Variants in TTC21B observed in about 807,000 individuals in gnomAD.
TTC21B encodes tetratricopeptide repeat protein 21B.
Under a neutral mutation model 175.1 loss-of-function variants are expected in TTC21B, and 127 were observed. The ratio of observed to expected loss-of-function variants is 0.73; its 90% CI spans 0.63 to 0.84. The LOEUF (loss-of-function observed/expected upper bound fraction) is 0.84, where lower values mean the gene tolerates loss of function less well. Among genes scored for constraint, TTC21B ranks in the 40% least tolerant of loss-of-function variants. The probability of loss-of-function intolerance (pLI) is 0.00; values close to 1 mark genes in which losing one functional copy is unlikely to be tolerated. For missense variants in TTC21B, 1,561 were observed against 1,558.3 expected (o/e 1.00, Z -0.03); for synonymous variants, 524 against 524.5 (o/e 1.00, Z 0.01).
rs1483395004 is a variant in TTC21B at position 165,924,635 on chromosome 2, C to G, written c.1430G>C (p.Cys477Ser). The G allele has an allele frequency of 6.2e-7, 1 of 1,613,608 alleles. No homozygotes were observed. The highest frequency in any genetic ancestry group is 1.3e-5 in the African/African-American group (1 of 74,892). Residue 477 changes from cysteine (C) to serine (S), a missense_variant, in exon 12 of 29, where the codon TGC (cysteine) becomes TCC (serine). By Grantham distance (112) the Cys-to-Ser change is moderately radical. Transcript: ENST00000243344. Reference sequence around the variant, plus strand: ...TACTACAGTCTCCAGGACTGAGATGCAACGCCTGAGAAGTGGACAAAGAGG... The same window carrying G: ...TACTACAGTCTCCAGGACTGAGATGGAACGCCTGAGAAGTGGACAAAGAGG... ...GQPLCPLLRRCISVLETVVRT... is the reference protein window; with the variant it reads ...GQPLCPLLRRSISVLETVVRT...
intron 12 of TTC21B, among the ~76,000 whole-genome samples, chr2:165,920,438 A>C (rs1440828237): frequency 1.3e-5 from 2 of 152,348 alleles, no homozygotes; most frequent in South Asian, 4.1e-4. Flanking sequence ...ATCAAAGTTT[A>C]GCAATCAACC....
At chr2:165,912,774 A>G (rs1035124090) in intron 16 of TTC21B, 150 bp from the exon 17 acceptor site, 1 of 698,422 alleles carries the variant, frequency 1.4e-6, no homozygotes, top group Admixed American at 2.3e-5. Context: ...CAATTTCAAA[A>G]AGGTGATAAA....
In TTC21B at chr2:165,912,519, A is replaced by G; in HGVS notation, c.2317T>C (p.Ser773Pro). The change falls in exon 17 of 29, where the codon TCA (serine) becomes CCA (proline). Residue 773 changes from serine (S) to proline (P), a missense_variant. Transcript: ENST00000243344. ...GKALIKTHNY[S>P]MAITYYEAAL... ...TCAAACAATAAAGTACTTACCATTG[A>G]GTAGTTATGAGTTTTGATAAGTGCT... 2 of 1,610,746 alleles carry G rather than the reference A, an allele frequency of 1.2e-6. No individual in the cohort carries two copies. The highest frequency in any genetic ancestry group is 1.7e-6 in the Non-Finnish European group (2 of 1,176,972).
chr2:165,914,883 A>G (rs952772928), intron 15 of TTC21B, among the ~76,000 whole-genome samples: 3 of 152,144 alleles, frequency 2.0e-5, no homozygotes, highest in African/African-American at 7.2e-5. Flanking sequence ...GTTATATTAC[A>G]TGATGCTCTT....
chr2:165,936,375 A>G (rs1306660361), intron 6 of TTC21B, among the ~76,000 whole-genome samples: 1 of 152,138 alleles, frequency 6.6e-6, no homozygotes, highest in African/African-American at 2.4e-5. Flanking sequence ...ATAATACAGG[A>G]GAAAATCTGA....
chr2:165,921,143 G>C (rs1443623122), intron 12 of TTC21B, among the ~76,000 whole-genome samples: 1 of 152,144 alleles, frequency 6.6e-6, no homozygotes, highest in Non-Finnish European at 1.5e-5. Flanking sequence ...GACTTGGAAT[G>C]GGGGCTAGCT....
At chr2:165,945,427 G>T in intron 4 of TTC21B, 97 bp downstream of exon 4, 1 of 1,179,946 alleles carries the variant, frequency 8.5e-7, no homozygotes, top group Non-Finnish European at 1.2e-6. Context: ...GCAATAGAGT[G>T]AACAATAATA....
chr2:165,886,805 G>A (rs1371912849), intron 25 of TTC21B, among the ~76,000 whole-genome samples: 1 of 152,176 alleles, frequency 6.6e-6, no homozygotes, highest in Non-Finnish European at 1.5e-5. Flanking sequence ...ACAGCATTCA[G>A]TAGCTATGGC....
At chr2:165,910,327 C>T (rs905842754) in intron 18 of TTC21B, among the ~76,000 whole-genome samples, 3 of 151,760 alleles carry the variant, frequency 2.0e-5, no homozygotes, top group South Asian at 2.1e-4. Flanking sequence ...GGTGTGAGCC[C>T]GGGCAGCAGA....
chr2:165,919,841 G>T (rs573164417), intron 12 of TTC21B, among the ~76,000 whole-genome samples: 57 of 152,058 alleles, frequency 3.7e-4, no homozygotes, highest in African/African-American at 1.3e-3. Context: ...TAACAAAGAG[G>T]ATATCAGTCT....
intron 18 of TTC21B, among the ~76,000 whole-genome samples, chr2:165,908,916 A>G (rs865956507): frequency 6.6e-6 from 1 of 152,164 alleles, no homozygotes; most frequent in Non-Finnish European, 1.5e-5. Flanking sequence ...CTAACACTTC[A>G]TACAATAAAT....
At chr2:165,949,344 A>G (rs1215283993) in intron 3 of TTC21B, 50 bp downstream of exon 3, 1 of 1,376,316 alleles carries the variant, frequency 7.3e-7, no homozygotes, top group Admixed American at 1.7e-5. Context: ...AAAAATAAAA[A>G]TAAACTGAAT....
rs546398335 is a variant in TTC21B, at chr2:165,929,737, T to C, written c.1098A>G (p.Gln366=). The C allele has an allele frequency of 2.0e-5, 32 of 1,610,778 alleles. No individual in the cohort carries two copies. The South Asian group carries it at 3.0e-4, about 15-fold the overall frequency. The change falls in exon 10 of 29, where the codon CAA becomes CAG. Residue 366 remains glutamine, a synonymous_variant. Transcript: ENST00000243344. The stretch of plus-strand genomic sequence containing the variant: ...GTAATTGCCCTTCTATCAACTGACA[T>C]TGGATAAATCCTAAAATCAAACAGC... The part of the protein sequence containing the change: ...TSVSALVGFI[Q]CQLIEGQLQD...
At chr2:165,889,045 A>T (rs1263984434) in intron 24 of TTC21B, among the ~76,000 whole-genome samples, 1 of 152,204 alleles carries the variant, frequency 6.6e-6, no homozygotes, top group East Asian at 1.9e-4. Flanking sequence ...ACTCTCAGAA[A>T]TTATATATGT....
At chr2:165,923,059 A>G (rs1686475533) in intron 12 of TTC21B, among the ~76,000 whole-genome samples, 1 of 152,182 alleles carries the variant, frequency 6.6e-6, no homozygotes, top group Middle Eastern at 3.2e-3. Flanking sequence ...AAACAGAGTG[A>G]TATAGTGGAC....
intron 5 of TTC21B, among the ~76,000 whole-genome samples, chr2:165,941,596 T>C (rs1464225557): frequency 6.6e-6 from 1 of 152,104 alleles, no homozygotes; most frequent in African/African-American, 2.4e-5. Context: ...TTAAAGAATA[T>C]ATGATTTTAA....
chr2:165,948,320 ATT>A (rs1687650868), intron 3 of TTC21B: 1 of 152,136 alleles, frequency 6.6e-6, no homozygotes, highest in Admixed American at 6.6e-5. Context: ...TGTTTTTTAC[ATT>A]TTGTTTTCTC....
rs376128387 is a variant in TTC21B at position 165,898,655 on chromosome 2, C to A, written c.2950+31G>T. On this transcript the variant is annotated intron_variant, in intron 22 of 28. Coordinates refer to ENST00000243344, the MANE Select transcript of TTC21B (RefSeq NM_024753.5). ...AAAAGGAGAAAGGGAGGGGTGACTG[C>A]ACTCAAAAAATACAATAAGTAGGTA... 1.8e-5 allele frequency: 25 copies of A among 1,419,764 alleles called. No individual in the cohort carries two copies. The South Asian group carries it at 2.6e-4, about 15-fold the overall frequency. The allele number at this position is 1,419,764 out of a possible 1,614,324, so 87.9% of individuals were successfully genotyped here. A position where few individuals can be genotyped will look rare whatever the true frequency, so the allele number is the denominator to read the frequency against.
At chr2:165,906,430 A>G (rs1299632203) in intron 19 of TTC21B, among the ~76,000 whole-genome samples, 1 of 152,038 alleles carries the variant, frequency 6.6e-6, no homozygotes, top group African/African-American at 2.4e-5. Context: ...AAAATTACTA[A>G]TATCAGGTTT....
Sources: gnomAD v4.1 joint callset for allele counts (sites outside exome capture counted in the v4.1 genomes callset) on GRCh38, gnomAD v4.1.1 for gene constraint, MANE v1.5 for transcripts, NCBI Gene and HGNC (gene_info 2026-07-23, HGNC 2026-07-21) for gene names.